LIG1: variants seen among roughly 807,000 people sequenced by gnomAD.
LIG1 encodes ligase I, DNA, ATP-dependent.
In LIG1, 70 loss-of-function variants were observed where a neutral mutation model predicts 115.7. The ratio of observed to expected loss-of-function variants is 0.60; its 90% confidence interval spans 0.50 to 0.74. The LOEUF is 0.74. LIG1 is among the 30% of genes least tolerant of loss of function. The pLI is 0.00. For synonymous variants in LIG1, 487 were observed against 495.3 expected, an observed-to-expected ratio of 0.98 and a Z score of 0.22; for missense variants, 1,115 against 1,225.6, an observed-to-expected ratio of 0.91 and a Z score of 1.35.
chr19:48,163,636 G>A (rs1416787692), intron 2 of LIG1, among the ~76,000 whole-genome samples: 1 of 149,712 alleles, frequency 6.7e-6, no homozygotes, highest in African/African-American at 2.4e-5. Flanking sequence ...GAAATATTAA[G>A]CAAACAACTA....
chr19:48,135,352 A>C (rs1368894869), intron 16 of LIG1, among the ~76,000 whole-genome samples: 2 of 152,014 alleles, frequency 1.3e-5, no homozygotes, highest in East Asian at 3.9e-4. Context: ...CAAACTCCTG[A>C]CCTCAAGTGA....
In LIG1 at chr19:48,133,847, G is replaced by C. The variant is rs1038799190; in HGVS notation, c.1609+134C>G. The C allele has an allele frequency of 6.8e-6, 5 of 735,820 alleles. No individual in the cohort carries two copies. In the African/African-American group the frequency reaches 8.7e-5, roughly 13 times the overall value. 45.6% of individuals were successfully genotyped at this position (735,820 alleles called of 1,614,324 possible). A position where few individuals can be genotyped will look rare whatever the true frequency, so the allele number is the denominator to read the frequency against. On this transcript the variant is annotated intron_variant, in intron 17 of 27. Transcript: ENST00000263274. ...GAAAAGCAGTGGGTTTCAGCACCAG[G>C]GAGGAGCATTTGGTTTTGGTGGGGG...
Position 48,134,086 on chromosome 19 carries a change from C to T in LIG1, c.1524-20G>A. 3 of 1,548,454 alleles carry T rather than the reference C, an allele frequency of 1.9e-6. No homozygotes were observed. Among genetic ancestry groups the T allele is most frequent in the Non-Finnish European group, 8.7e-7 (1 of 1,143,644 alleles). Reference sequence around the variant, plus strand: ...ACCTCGCTGGGGTGGCGGGTGAGAACAAGATAGGGGAAGCCTTTCTAGAAC... The same window carrying T: ...ACCTCGCTGGGGTGGCGGGTGAGAATAAGATAGGGGAAGCCTTTCTAGAAC... On this transcript the variant is annotated intron_variant, in intron 16 of 27. Coordinates refer to ENST00000263274, the MANE Select transcript of LIG1 (RefSeq NM_000234.3).
intron 7 of LIG1, among the ~76,000 whole-genome samples, chr19:48,150,717 G>A (rs1027796509): frequency 1.3e-5 from 2 of 152,030 alleles, no homozygotes; most frequent in Non-Finnish European, 2.9e-5. Context: ...TGTCTGAGGC[G>A]GGGGAGTTCT....
At chr19:48,129,494 C>T (rs2033879730) in intron 19 of LIG1, among the ~76,000 whole-genome samples, 1 of 152,196 alleles carries the variant, frequency 6.6e-6, no homozygotes, top group African/African-American at 2.4e-5. Flanking sequence ...GGGCAGAGAC[C>T]ATGGCAGGCC....
intron 25 of LIG1, 77 bp downstream of exon 25, chr19:48,119,060 G>T: frequency 1.7e-6 from 2 of 1,201,964 alleles, no homozygotes; most frequent in Non-Finnish European, 2.4e-6. Flanking sequence ...GAAGCCAAGA[G>T]CCCTGCATGG....
At chr19:48,127,172 A>G in intron 21 of LIG1, 105 bp downstream of exon 21, 2 of 914,380 alleles carry the variant, frequency 2.2e-6, no homozygotes, top group Non-Finnish European at 3.6e-6. Flanking sequence ...CTTCCTGGCC[A>G]TGTGAAGTGG....
At chr19:48,143,109 A>G (rs979029850) in intron 11 of LIG1, among the ~76,000 whole-genome samples, 3 of 152,194 alleles carry the variant, frequency 2.0e-5, no homozygotes, top group Non-Finnish European at 4.4e-5. Flanking sequence ...ACTGGGCATC[A>G]CTGGGGTGGG....
At chr19:48,134,880 G>A (rs1433782301) in intron 16 of LIG1, among the ~76,000 whole-genome samples, 1 of 152,196 alleles carries the variant, frequency 6.6e-6, no homozygotes, top group East Asian at 1.9e-4. Context: ...AACTGCCATC[G>A]GCCCTCCTGC....
chr19:48,115,683 T>A lies in LIG1; in HGVS notation c.2726A>T (p.Glu909Val). The stretch of plus-strand genomic sequence containing the variant: ...ATCTTCAGGGTCAGAGCCTGAGTCC[T>A]CGCCTTGTTGGTTCTGAATCTGACT... ...KQSQIQNQQG[E>V]DSGSDPEDTY The change falls in exon 28 of 28, where the codon GAG becomes GTG. Residue 909 changes from glutamate (E) to valine (V), a missense_variant. Glu to Val is a moderately radical substitution (Grantham distance 121). Coordinates refer to ENST00000263274, the MANE Select transcript of LIG1 (RefSeq NM_000234.3). 6.2e-7 allele frequency: 1 copy of A among 1,614,166 alleles called. No homozygotes were observed. Among genetic ancestry groups the A allele is most frequent in the Non-Finnish European group, 8.5e-7 (1 of 1,179,988 alleles).
At chr19:48,157,836 G>A (rs571594668) in intron 4 of LIG1, among the ~76,000 whole-genome samples, 8 of 152,288 alleles carry the variant, frequency 5.3e-5, no homozygotes, top group Admixed American at 2.0e-4. Context: ...GTGAGCCCCC[G>A]TGCCCAGCCT....
rs373988317 is a variant in LIG1, at chr19:48,143,914, C to T, written c.826G>A (p.Val276Met). Residue 276 changes from valine (V) to methionine (M), a missense_variant, in exon 10 of 28, where the codon GTG becomes ATG. Coordinates refer to ENST00000263274, the MANE Select transcript of LIG1 (RefSeq NM_000234.3). ...CCCGGTTTCCAGCAGGCATCTTCCA[C>T]GGGATGATAGTTGTTCTTGGCAGGA... ...YNPAKNNYHP[V>M]EDACWKPGQK... 2.4e-5 allele frequency: 38 copies of T among 1,614,014 alleles called. No homozygotes were observed. Among genetic ancestry groups the T allele is most frequent in the East Asian group, 4.5e-5 (2 of 44,868 alleles).
At position 48,115,465 on chromosome 19, in the gene LIG1, A is replaced by G; in HGVS notation, c.*184T>C. 1 of 620,316 alleles carries G rather than the reference A, an allele frequency of 1.6e-6. No homozygotes were observed. Among genetic ancestry groups the G allele is most frequent in the Non-Finnish European group, 2.9e-6 (1 of 344,242 alleles). The allele number at this position is 620,316 out of a possible 1,614,324, so 38.4% of individuals were successfully genotyped here. On this transcript the variant is annotated 3_prime_UTR_variant, in exon 28 of 28. Coordinates refer to ENST00000263274, the MANE Select transcript of LIG1 (RefSeq NM_000234.3). ...CAAAGTAGCTATCCAATAATTATTTATTGAAAGAAATGACGGGATGAATCC... is the reference window on the plus strand; with the variant it reads ...CAAAGTAGCTATCCAATAATTATTTGTTGAAAGAAATGACGGGATGAATCC...
At chr19:48,150,291 A>G in intron 7 of LIG1, 81 bp from the exon 8 acceptor site, 1 of 1,593,018 alleles carries the variant, frequency 6.3e-7, no homozygotes, top group East Asian at 2.2e-5. Context: ...CCCCAAGATC[A>G]TTCTGACCCT....
Position 48,137,708 on chromosome 19 carries a change from T to A in LIG1, c.1088-20A>T, listed in dbSNP as rs572540476. 6.3e-7 allele frequency: 1 copy of A among 1,599,846 alleles called. No individual in the cohort carries two copies. The highest frequency in any genetic ancestry group is 8.5e-7 in the Non-Finnish European group (1 of 1,179,398). The stretch of plus-strand genomic sequence containing the variant: ...GCCGACCTTCAGGGGAGAGCGCGGG[T>A]GGGGGTGTCGAGGGTGACAGTTGTG... On this transcript the variant is annotated intron_variant, in intron 12 of 27. Transcript: ENST00000263274. The surrounding 1 kb of genome is among the most constrained non-coding windows in gnomAD (Gnocchi z 4.3).
chr19:48,117,813 G>A (rs2032969510), intron 25 of LIG1, 32 bp from the exon 26 acceptor site: 1 of 1,608,854 alleles, frequency 6.2e-7, no homozygotes, highest in African/African-American at 1.3e-5. Flanking sequence ...AGGAACAGAG[G>A]GTCTGGAATC....
Position 48,156,995 on chromosome 19 carries a change from G to T in LIG1, c.370+19C>A. On this transcript the variant is annotated intron_variant, in intron 5 of 27. Transcript: ENST00000263274. ...AGAAAGGCAGGCGACTGAAGGGGCA[G>T]GGGCCCGTGTGTTCTCACCTGTGCG... 1 of 1,326,518 alleles carries T rather than the reference G, an allele frequency of 7.5e-7. No homozygotes were observed. Among genetic ancestry groups the T allele is most frequent in the Non-Finnish European group, 1.0e-6 (1 of 979,158 alleles). The allele number at this position is 1,326,518 out of a possible 1,614,324, so 82.2% of individuals were successfully genotyped here. A position where few individuals can be genotyped will look rare whatever the true frequency, so the allele number is the denominator to read the frequency against.
chr19:48,143,812 G>T, intron 10 of LIG1, 71 bp downstream of exon 10: 1 of 1,351,500 alleles, frequency 7.4e-7, no homozygotes, highest in Non-Finnish European at 1.1e-6. Flanking sequence ...TCCCAACCAA[G>T]ACTCTGCTTA....
Position 48,135,783 on chromosome 19 carries a change from A to T in LIG1, c.1424-4T>A, listed in dbSNP as rs2034342470. The stretch of plus-strand genomic sequence containing the variant: ...TCCACCATGGCTGGTGGGAATTCTA[A>T]GAAAAGACCCACCAGAGGCTTTGGA... On this transcript the variant is annotated splice_polypyrimidine_tract_variant and splice_region_variant and intron_variant, in intron 15 of 27. Transcript: ENST00000263274. 6.2e-7 allele frequency: 1 copy of T among 1,612,578 alleles called. No individual in the cohort carries two copies. The highest frequency in any genetic ancestry group is 8.5e-7 in the Non-Finnish European group (1 of 1,178,742).
Sources: allele counts gnomAD v4.1 joint callset (sites outside exome capture counted in the v4.1 genomes callset), GRCh38; gene constraint gnomAD v4.1.1; non-coding constraint Gnocchi (gnomAD v3.1); transcripts MANE v1.5; gene names NCBI Gene and HGNC (gene_info 2026-07-23, HGNC 2026-07-21).